STARD13: variants seen among roughly 807,000 people sequenced by gnomAD.
STARD13 encodes StAR related lipid transfer domain containing 13.
Under a neutral mutation model 106.4 loss-of-function variants are expected in STARD13, and 62 were observed. The ratio of observed to expected loss-of-function variants is 0.58; its 90% CI spans 0.48 to 0.72. The LOEUF is 0.72. Ranked by LOEUF, STARD13 falls within the 30% of genes least tolerant of loss-of-function variation. The pLI is 0.00. For synonymous variants in STARD13, 565 were observed against 553.0 expected, an observed-to-expected ratio of 1.02 and a Z score of -0.31; for missense variants, 1,387 against 1,424.0, an observed-to-expected ratio of 0.97 and a Z score of 0.42.
At chr13:33,400,417 G>A in the STARD13 span, among the ~76,000 whole-genome samples, 33 of 151,560 alleles carry the variant, frequency 2.2e-4, 2 homozygotes, top group East Asian at 6.0e-3. Context: ...TGCCTGTGGC[G>A]AATAACACTG....
the STARD13 span, among the ~76,000 whole-genome samples, chr13:33,567,156 A>G: frequency 6.8e-6 from 1 of 148,100 alleles, no homozygotes; most frequent in African/African-American, 2.5e-5. Context: ...ACTCACACTC[A>G]CTCAAATACC....
the STARD13 span, among the ~76,000 whole-genome samples, chr13:33,465,498 A>T: frequency 2.5e-4 from 38 of 152,104 alleles, no homozygotes; most frequent in South Asian, 5.0e-3. Flanking sequence ...CACCGTGCCC[A>T]GCTGGTCTTT....
At chr13:33,192,255 G>T (rs1886305397) in intron 1 of STARD13, among the ~76,000 whole-genome samples, 1 of 152,210 alleles carries the variant, frequency 6.6e-6, no homozygotes, top group African/African-American at 2.4e-5. Context: ...ATGCTACTTA[G>T]AAGCTAAAAC....
intron 1 of STARD13, among the ~76,000 whole-genome samples, chr13:33,211,967 T>C (rs1316910185): frequency 1.3e-5 from 2 of 152,220 alleles, no homozygotes; most frequent in Non-Finnish European, 1.5e-5. Flanking sequence ...TGAAACAGAA[T>C]CATAATATAT....
chr13:33,383,765 A>G, the STARD13 span: 1 of 151,108 alleles, frequency 6.6e-6, no homozygotes, highest in Non-Finnish European at 1.5e-5. Context: ...AAAAAAAAAA[A>G]AAAAAAAAAA....
intron 1 of STARD13, among the ~76,000 whole-genome samples, chr13:33,184,499 TA>T (rs1191364730): frequency 6.6e-6 from 1 of 152,158 alleles, no homozygotes; most frequent in Non-Finnish European, 1.5e-5. Context: ...GTTGGAATTT[TA>T]AAAAAATCTT....
At chr13:33,141,130 G>T (rs555108558) in intron 4 of STARD13, among the ~76,000 whole-genome samples, 2 of 152,262 alleles carry the variant, frequency 1.3e-5, no homozygotes, top group South Asian at 4.1e-4. Context: ...GAGTTGCTAC[G>T]TAGTAGAGAT....
At chr13:33,456,548 T>C in the STARD13 span, among the ~76,000 whole-genome samples, 1 of 152,180 alleles carries the variant, frequency 6.6e-6, no homozygotes. Flanking sequence ...AGCAGTGTTG[T>C]TTTCTCCTCA....
At chr13:33,395,063 G>A in the STARD13 span, among the ~76,000 whole-genome samples, 1 of 152,158 alleles carries the variant, frequency 6.6e-6, no homozygotes, top group African/African-American at 2.4e-5. Flanking sequence ...GGAGTGACGT[G>A]GCTGGATTAG....
chr13:33,203,279 G>A (rs187856506), intron 1 of STARD13, among the ~76,000 whole-genome samples: 53 of 152,164 alleles, frequency 3.5e-4, no homozygotes, highest in Non-Finnish European at 7.4e-4. Context: ...ACTAAGCTGT[G>A]ATCATGTTCA....
At chr13:33,334,070 A>C (rs1285606790) in intron 1 of STARD13, 1 of 152,238 alleles carries the variant, frequency 6.6e-6, no homozygotes, top group African/African-American at 2.4e-5. Flanking sequence ...AGAAGAGGTA[A>C]AAATACTGGC....
At chr13:33,422,650 C>T in the STARD13 span, among the ~76,000 whole-genome samples, 1 of 152,112 alleles carries the variant, frequency 6.6e-6, no homozygotes, top group East Asian at 1.9e-4. Context: ...AATCCTAAGC[C>T]AAAAGAACAA....
the STARD13 span, among the ~76,000 whole-genome samples, chr13:33,667,029 CCAAA>C: frequency 6.6e-6 from 1 of 152,208 alleles, no homozygotes; most frequent in African/African-American, 2.4e-5. Context: ...AGAATGTTCA[CCAAA>C]CATCATGTAG....
At chr13:33,601,729 T>C in the STARD13 span, among the ~76,000 whole-genome samples, 1 of 152,126 alleles carries the variant, frequency 6.6e-6, no homozygotes, top group Non-Finnish European at 1.5e-5. Context: ...CACTTCCTGC[T>C]CCTCCTCACC....
chr13:33,281,440 GTA>G (rs1491044468), intron 1 of STARD13: 7 of 151,012 alleles, frequency 4.6e-5, no homozygotes, highest in African/African-American at 1.7e-4. Flanking sequence ...GTGTGTGTGT[GTA>G]TGTAGACTTT....
intron 3 of STARD13, among the ~76,000 whole-genome samples, chr13:33,150,273 A>G (rs1881101457): frequency 6.6e-6 from 1 of 152,242 alleles, no homozygotes; most frequent in African/African-American, 2.4e-5. Context: ...ATGACAGGCT[A>G]TGAGTTGCAT....
At chr13:33,538,584 T>C in the STARD13 span, among the ~76,000 whole-genome samples, 1 of 151,756 alleles carries the variant, frequency 6.6e-6, no homozygotes, top group African/African-American at 2.4e-5. Flanking sequence ...GAAGCAAAAG[T>C]AAATCCTACA....
chr13:33,617,366 A>C, the STARD13 span, among the ~76,000 whole-genome samples: 1 of 152,204 alleles, frequency 6.6e-6, no homozygotes, highest in Non-Finnish European at 1.5e-5. Context: ...GTGATATCTG[A>C]GACTACTTAA....
rs9597043 is a variant in STARD13 at position 33,244,631 on chromosome 13, T to A, written c.169+40839A>T. 4.1e-3 allele frequency among the ~76,000 whole-genome samples: 627 copies of A among 152,226 alleles called. 1 individual carries two copies. Among genetic ancestry groups the A allele is most frequent in the Non-Finnish European group, 5.7e-3 (388 of 68,010 alleles). ...GAAGAGGTCTTTCAGCTTTTATGCTTACCCTCTTGGAACTCTGAGACAAGA... is the reference window on the plus strand; with the variant it reads ...GAAGAGGTCTTTCAGCTTTTATGCTAACCCTCTTGGAACTCTGAGACAAGA... On this transcript the variant is annotated intron_variant, in intron 1 of 13. Coordinates refer to ENST00000336934, the MANE Select transcript of STARD13 (RefSeq NM_178006.4).
Sources: allele counts gnomAD v4.1 joint callset (sites outside exome capture counted in the v4.1 genomes callset), GRCh38; gene constraint gnomAD v4.1.1; transcripts MANE v1.5; gene names NCBI Gene and HGNC (gene_info 2026-07-23, HGNC 2026-07-21).